Variants in GALNTL5 observed in about 807,000 individuals in gnomAD.
The protein encoded by GALNTL5 is polypeptide N-acetylgalactosaminyltransferase like 5, also known as inactive polypeptide N-acetylgalactosaminyltransferase-like protein 5.
In GALNTL5, 44 loss-of-function variants were observed where a neutral mutation model predicts 51.0. The observed-to-expected ratio is 0.86, with a 90% confidence interval of 0.68 to 1.11. GALNTL5 has a LOEUF of 1.11. Among genes scored for constraint, GALNTL5 ranks in the 50% least tolerant of loss-of-function variants. The pLI, the probability that GALNTL5 is intolerant of heterozygous loss-of-function variation, is 0.00. For synonymous variants in GALNTL5, 192 were observed against 182.8 expected, an observed-to-expected ratio of 1.05 and a Z score of -0.41; for missense variants, 528 against 531.8, an observed-to-expected ratio of 0.99 and a Z score of 0.07.
At chr7:152,014,069 A>C (rs1374041026) in intron 7 of GALNTL5, among the ~76,000 whole-genome samples, 1 of 152,186 alleles carries the variant, frequency 6.6e-6, no homozygotes, top group African/African-American at 2.4e-5. Context: ...CTTCATCTTC[A>C]TTGCTGGCTC....
chr7:152,005,352 TGCCCTTTTCTAAGGGCAGAGCAAG>T (rs1424669705), intron 6 of GALNTL5, among the ~76,000 whole-genome samples: 1 of 152,194 alleles, frequency 6.6e-6, no homozygotes, highest in African/African-American at 2.4e-5. Context: ...CCCAGCCACC[TGCCCTTTTCTAAGGGCAGAGCAAG>T]GCCCTTTCAC....
intron 6 of GALNTL5, among the ~76,000 whole-genome samples, chr7:152,003,757 A>G (rs1247615204): frequency 6.6e-6 from 1 of 152,270 alleles, no homozygotes; most frequent in Admixed American, 6.5e-5. Context: ...AGTTACTTTT[A>G]GTAAGAAATA....
At chr7:151,962,461 A>G (rs2081004780) in intron 1 of GALNTL5, among the ~76,000 whole-genome samples, 1 of 52,498 alleles carries the variant, frequency 1.9e-5, no homozygotes, top group African/African-American at 5.5e-5. Flanking sequence ...TGGTTAATGC[A>G]GTAATCAGTG....
intron 7 of GALNTL5, among the ~76,000 whole-genome samples, chr7:152,014,023 C>A (rs868795622): frequency 2.0e-5 from 3 of 152,322 alleles, no homozygotes; most frequent in African/African-American, 7.2e-5. Flanking sequence ...CTACATCCAG[C>A]AATTCCTGTA....
intron 6 of GALNTL5, among the ~76,000 whole-genome samples, chr7:152,005,960 T>C (rs1398250027): frequency 6.6e-6 from 1 of 152,080 alleles, no homozygotes; most frequent in Non-Finnish European, 1.5e-5. Context: ...TTGGGAGTCA[T>C]GGATAGGATG....
intron 3 of GALNTL5, among the ~76,000 whole-genome samples, chr7:151,981,335 T>C (rs10228163): frequency 0.03 from 4,576 of 152,282 alleles, 224 homozygotes; most frequent in African/African-American, 0.1. Flanking sequence ...CTAAGTGTTG[T>C]AGGCATGTTA....
At chr7:151,978,757 G>A (rs193291740) in intron 3 of GALNTL5, among the ~76,000 whole-genome samples, 47 of 152,204 alleles carry the variant, frequency 3.1e-4, no homozygotes, top group Middle Eastern at 3.4e-3. Context: ...ATAGATGGCC[G>A]TCTTCTCCCT....
intron 7 of GALNTL5, among the ~76,000 whole-genome samples, chr7:152,010,207 G>A (rs1437417512): frequency 6.6e-6 from 1 of 151,914 alleles, no homozygotes; most frequent in Non-Finnish European, 1.5e-5. Context: ...CCGCCTCCCA[G>A]GTTCAAGCGA....
intron 5 of GALNTL5, among the ~76,000 whole-genome samples, chr7:151,987,805 CG>C (rs1457415914): frequency 6.6e-6 from 1 of 152,228 alleles, no homozygotes; most frequent in African/African-American, 2.4e-5. Context: ...TATCTTGAAG[CG>C]CTTCAGACAA....
chr7:151,984,174 A>G (rs2081332586), intron 4 of GALNTL5: 1 of 152,232 alleles, frequency 6.6e-6, no homozygotes, highest in Non-Finnish European at 1.5e-5. Context: ...ATTCCATGAA[A>G]GAAGCGGAAT....
chr7:151,987,343 G>C, intron 5 of GALNTL5, 62 bp downstream of exon 5: 1 of 1,448,170 alleles, frequency 6.9e-7, no homozygotes, highest in Non-Finnish European at 9.2e-7. Context: ...CCTTCTGAGC[G>C]GGACTCCTCT....
rs750311254 is a variant in GALNTL5, at chr7:152,014,673, A to G, written c.1056A>G (p.Ile352Met). 1.2e-6 allele frequency: 2 copies of G among 1,612,008 alleles called. No homozygotes were observed. Among genetic ancestry groups the G allele is most frequent in the Non-Finnish European group, 1.7e-6 (2 of 1,179,272 alleles). Residue 352 changes from isoleucine to methionine, a missense_variant, in exon 8 of 9, where the codon ATA (isoleucine) becomes ATG (methionine). Transcript: ENST00000392800. ...GGATGTGTGGAGGCCAACTCTTTATAATCCCCTGCTCTCGAGTAGGACATA... is the reference window on the plus strand; with the variant it reads ...GGATGTGTGGAGGCCAACTCTTTATGATCCCCTGCTCTCGAGTAGGACATA... ...RIWMCGGQLF[I>M]IPCSRVGHIS...
chr7:152,002,721 T>C lies in GALNTL5; in HGVS notation c.666T>C (p.Val222=). The C allele has an allele frequency of 6.2e-7, 1 of 1,614,150 alleles. No homozygotes were observed. Among genetic ancestry groups the C allele is most frequent in the Non-Finnish European group, 8.5e-7 (1 of 1,180,004 alleles). ...CTGTTCTTGCCTCCCCAGGGGATGT[T>C]CTGGTGTTCCTGGACAGCCACTGTG... ...LIGASHASGD[V]LVFLDSHCEV... The change falls in exon 6 of 9, where the codon GTT becomes GTC. Residue 222 remains valine, a synonymous_variant. Coordinates refer to ENST00000392800, the MANE Select transcript of GALNTL5 (RefSeq NM_145292.4).
chr7:151,977,094 G>A (rs2081216275), intron 3 of GALNTL5, among the ~76,000 whole-genome samples: 1 of 152,164 alleles, frequency 6.6e-6, no homozygotes, highest in South Asian at 2.1e-4. Context: ...ATGTCAAACA[G>A]AGGCAGACCA....
intron 5 of GALNTL5, 82 bp downstream of exon 5, chr7:151,987,363 C>A: frequency 2.5e-6 from 3 of 1,212,584 alleles, no homozygotes; most frequent in Non-Finnish European, 3.4e-6. Context: ...TGCAGGGAGA[C>A]CTTCTATGTC....
intron 7 of GALNTL5, 133 bp downstream of exon 7, chr7:152,008,077 A>T: frequency 1.7e-6 from 1 of 603,306 alleles, no homozygotes; most frequent in Admixed American, 3.0e-5. Flanking sequence ...TGCAATAAAC[A>T]ATTTATGGGG....
At chr7:151,971,217 C>T (rs1321365104) in intron 3 of GALNTL5, 152 bp downstream of exon 3, 1 of 608,184 alleles carries the variant, frequency 1.6e-6, no homozygotes, top group Admixed American at 3.3e-5. Flanking sequence ...GACTTGAAGT[C>T]AGATAATGTC....
intron 1 of GALNTL5, among the ~76,000 whole-genome samples, chr7:151,959,829 A>G (rs2080970379): frequency 1.3e-5 from 2 of 152,198 alleles, no homozygotes; most frequent in South Asian, 4.1e-4. Flanking sequence ...CTTGCAAAGC[A>G]GAGGAGGAGA....
At chr7:152,008,822 C>T (rs1004275147) in intron 7 of GALNTL5, among the ~76,000 whole-genome samples, 6 of 151,958 alleles carry the variant, frequency 3.9e-5, no homozygotes, top group South Asian at 4.1e-4. Context: ...ATGCCTTTGG[C>T]GCATTTTATT....
Sources: allele counts gnomAD v4.1 joint callset (sites outside exome capture counted in the v4.1 genomes callset), GRCh38; gene constraint gnomAD v4.1.1; transcripts MANE v1.5; gene names NCBI Gene and HGNC (gene_info 2026-07-23, HGNC 2026-07-21).